Variants in UNG observed in about 807,000 individuals in gnomAD.
UNG encodes the protein uracil-DNA glycosylase.
Under a neutral mutation model 36.5 loss-of-function variants are expected in UNG, and 34 were observed. The ratio of observed to expected loss-of-function variants is 0.93; its 90% CI spans 0.71 to 1.24. The LOEUF (loss-of-function observed/expected upper bound fraction) is 1.24, where lower values mean the gene tolerates loss of function less well. Among genes scored for constraint, UNG ranks in the 50% most tolerant of loss-of-function variants. The pLI, the probability that UNG is intolerant of heterozygous loss-of-function variation, is 0.00. For synonymous variants in UNG, 172 were observed against 157.8 expected, an observed-to-expected ratio of 1.09 and a Z score of -0.67; for missense variants, 391 against 397.6, an observed-to-expected ratio of 0.98 and a Z score of 0.14.
rs1566121873 is a variant in UNG at position 109,103,429 on chromosome 12, A to G, written c.623-4A>G. 6 of 1,613,690 alleles carry G rather than the reference A, an allele frequency of 3.7e-6. No homozygotes were observed. The highest frequency in any genetic ancestry group is 2.7e-5 in the African/African-American group (2 of 74,912). ...CATTTAACCTGTTTCTCTCATGTGT[A>G]TAGGTGTTCTCCTTCTCAACGCTGT... On this transcript the variant is annotated splice_polypyrimidine_tract_variant and splice_region_variant and intron_variant, in intron 5 of 6. Transcript: ENST00000242576.
chr12:109,106,403 A>C (rs946880614), intron 6 of UNG, among the ~76,000 whole-genome samples: 15 of 152,088 alleles, frequency 9.9e-5, no homozygotes, highest in Admixed American at 9.2e-4. Context: ...TCCTGGACTG[A>C]GCCCCTTGAA....
rs2042159399 is a variant in UNG, at chr12:109,099,295, CTTG to C, written c.435+15_435+17del. The C allele has an allele frequency of 6.2e-7, 1 of 1,608,780 alleles. No individual in the cohort carries two copies. The highest frequency in any genetic ancestry group is 1.3e-5 in the African/African-American group (1 of 74,908). On this transcript the variant is annotated intron_variant, in intron 3 of 6. Coordinates refer to ENST00000242576, the MANE Select transcript of UNG (RefSeq NM_080911.3). The stretch of plus-strand genomic sequence containing the variant: ...TGTGACATAAAAGATGTAAGTACAA[CTTG>C]TTGATAATTTTTATTGGGGAGAAGG...
At chr12:109,102,050 G>A (rs763137346) in intron 4 of UNG, 51 bp downstream of exon 4, 20 of 1,528,200 alleles carry the variant, frequency 1.3e-5, no homozygotes, top group Non-Finnish European at 1.7e-5. Context: ...CCTTTCAGAT[G>A]TGTACTTAGC....
At position 109,099,173 on chromosome 12, in the gene UNG, T is replaced by G; in HGVS notation, c.340-16T>G. On this transcript the variant is annotated splice_polypyrimidine_tract_variant and intron_variant, in intron 2 of 6. Coordinates refer to ENST00000242576, the MANE Select transcript of UNG (RefSeq NM_080911.3). ...AATGAGAATCTGATTTTAAGTCTAG[T>G]TTATCTTTAAATCAGCTAATGGGAT... 6.2e-7 allele frequency: 1 copy of G among 1,606,260 alleles called. No individual in the cohort carries two copies. Among genetic ancestry groups the G allele is most frequent in the Non-Finnish European group, 8.5e-7 (1 of 1,174,168 alleles).
At chr12:109,104,004 T>A (rs2042198409) in intron 6 of UNG, among the ~76,000 whole-genome samples, 1 of 152,098 alleles carries the variant, frequency 6.6e-6, no homozygotes, top group Admixed American at 6.6e-5. Flanking sequence ...AATCACAAAT[T>A]TAACTTGCCC....
chr12:109,103,341 G>T, intron 5 of UNG, 92 bp from the exon 6 acceptor site: 1 of 1,204,824 alleles, frequency 8.3e-7, no homozygotes, highest in Non-Finnish European at 1.2e-6. Flanking sequence ...ATCCCATCAA[G>T]CATTGGTTTC....
chr12:109,098,356 G>T (rs774289700), intron 1 of UNG, 76 bp from the exon 2 acceptor site: 38 of 1,603,126 alleles, frequency 2.4e-5, no homozygotes, highest in Non-Finnish European at 2.9e-5. Flanking sequence ...GGCCGTGGGG[G>T]TTGGGCCGGA....
At chr12:109,101,607 G>A (rs181898328) in intron 3 of UNG, among the ~76,000 whole-genome samples, 4 of 152,202 alleles carry the variant, frequency 2.6e-5, no homozygotes, top group Admixed American at 2.6e-4. Flanking sequence ...CTACTCTGGA[G>A]GCTCAGGTGG....
intron 6 of UNG, among the ~76,000 whole-genome samples, chr12:109,104,396 C>T (rs917662374): frequency 3.9e-5 from 6 of 152,036 alleles, no homozygotes; most frequent in African/African-American, 9.7e-5. Context: ...ATACCCAACA[C>T]GACCAAACCA....
intron 6 of UNG, among the ~76,000 whole-genome samples, chr12:109,106,940 AT>A (rs1207037956): frequency 1.6e-4 from 1 of 6,318 alleles, no homozygotes; most frequent in Non-Finnish European, 3.9e-4. Flanking sequence ...TATATAAAAA[AT>A]ATTTTTACTG....
In UNG at chr12:109,106,886, T is replaced by TACACAC. The variant is rs1302667040; in HGVS notation, c.802-2942_802-2941insCACACA. Among the ~76,000 whole-genome samples, 7 of 116,580 alleles carry TACACAC rather than the reference T, an allele frequency of 6.0e-5. 1 individual carries two copies. Among genetic ancestry groups the TACACAC allele is most frequent in the African/African-American group, 2.5e-4 (7 of 27,564 alleles). 76.5% of individuals were successfully genotyped at this position (116,580 alleles called of 152,430 possible). A position where few individuals can be genotyped will look rare whatever the true frequency, so the allele number is the denominator to read the frequency against. On this transcript the variant is annotated intron_variant, in intron 6 of 6. Transcript: ENST00000242576. The stretch of plus-strand genomic sequence containing the variant: ...ATCTCAAAAAAAAAACATATATATA[T>TACACAC]ATACACATATATATATACGTATATA...
At chr12:109,102,060 C>A in intron 4 of UNG, 61 bp downstream of exon 4, 1 of 1,487,492 alleles carries the variant, frequency 6.7e-7, no homozygotes, top group Non-Finnish European at 9.4e-7. Context: ...GTGTACTTAG[C>A]TTATTACAAG....
chr12:109,103,597 A>G lies in UNG; in HGVS notation c.787A>G (p.Ser263Gly), dbSNP rs748715864. The change falls in exon 6 of 7, where the codon AGT (serine) becomes GGT (glycine). Residue 263 changes from serine to glycine, a missense_variant. Coordinates refer to ENST00000242576, the MANE Select transcript of UNG (RefSeq NM_080911.3). ...GGGCTCTTATGCTCAGAAGAAGGGC[A>G]GTGCCATTGATAGGGTATGTTTTGT... ...LWGSYAQKKG[S>G]AIDRKRHHVL... 1.9e-6 allele frequency: 3 copies of G among 1,613,236 alleles called. No homozygotes were observed. The highest frequency in any genetic ancestry group is 2.2e-5 in the South Asian group (2 of 90,996).
At chr12:109,103,257 C>T (rs926569237) in intron 5 of UNG, among the ~76,000 whole-genome samples, 176 bp from the exon 6 acceptor site, 2 of 152,150 alleles carry the variant, frequency 1.3e-5, no homozygotes, top group Admixed American at 6.6e-5. Context: ...CGCCCAGCCC[C>T]GACTCCATTG....
chr12:109,105,365 C>G (rs1364420591), intron 6 of UNG: 2 of 152,200 alleles, frequency 1.3e-5, no homozygotes, highest in African/African-American at 4.8e-5. Context: ...AGAGTAATTG[C>G]TAATCTCTAT....
chr12:109,100,040 C>T (rs1344506438), intron 3 of UNG, among the ~76,000 whole-genome samples: 5 of 151,970 alleles, frequency 3.3e-5, no homozygotes, highest in Admixed American at 2.0e-4. Flanking sequence ...CCAGCGTGGG[C>T]GACAGAGCCA....
intron 6 of UNG, among the ~76,000 whole-genome samples, chr12:109,109,373 G>A (rs1035007848): frequency 2.0e-5 from 3 of 151,874 alleles, no homozygotes; most frequent in Non-Finnish European, 2.9e-5. Context: ...ACGGACTAAT[G>A]TTCTAATGCA....
chr12:109,102,144 C>T lies in UNG; in HGVS notation c.533+145C>T. The T allele has an allele frequency of 4.0e-6, 3 of 754,038 alleles. No individual in the cohort carries two copies. The South Asian group carries it at 4.4e-5, about 11-fold the overall frequency. 46.7% of individuals were successfully genotyped at this position (754,038 alleles called of 1,614,324 possible). ...GCCTCAGCACCATTGACATTTGGGG[C>T]TGAGTCATTCTTTGTTGTGGAGGAG... On this transcript the variant is annotated intron_variant, in intron 4 of 6. Coordinates refer to ENST00000242576, the MANE Select transcript of UNG (RefSeq NM_080911.3).
chr12:109,102,124 A>T, intron 4 of UNG, 125 bp downstream of exon 4: 1 of 837,496 alleles, frequency 1.2e-6, no homozygotes, highest in Non-Finnish European at 2.0e-6. Flanking sequence ...TCTCGGCCTC[A>T]GCACCATTGA....
Sources: gnomAD v4.1 joint callset for allele counts (sites outside exome capture counted in the v4.1 genomes callset) on GRCh38, gnomAD v4.1.1 for gene constraint, MANE v1.5 for transcripts, NCBI Gene and HGNC (gene_info 2026-07-23, HGNC 2026-07-21) for gene names.